Variants in TG observed in about 807,000 individuals in gnomAD.
TG encodes the protein thyroglobulin, also known as thyroid hormones.
Under a neutral mutation model 324.7 loss-of-function variants are expected in TG, and 270 were observed. That is an observed-to-expected ratio of 0.83 (90% CI 0.75 to 0.92). The LOEUF (loss-of-function observed/expected upper bound fraction) is 0.92. Ranked by LOEUF, TG falls within the 40% of genes least tolerant of loss-of-function variation. The probability of loss-of-function intolerance (pLI) is 0.00; values close to 1 mark genes in which losing one functional copy is unlikely to be tolerated. For missense variants in TG, 3,591 were observed against 3,456.4 expected, an observed-to-expected ratio of 1.04 and a Z score of -0.98; for synonymous variants, 1,401 against 1,327.0, an observed-to-expected ratio of 1.06 and a Z score of -1.21.
In TG at chr8:132,935,664, G is replaced by T; in HGVS notation, c.4933-92G>T. ...GCAACTAACTTACCTTTGTAGCCCT[G>T]GTGCCTAGCCATGGTTAGGGTTGGA... On this transcript the variant is annotated intron_variant, in intron 24 of 47. Coordinates refer to ENST00000220616, the MANE Select transcript of TG (RefSeq NM_003235.5). 9 of 1,148,078 alleles carry T rather than the reference G, an allele frequency of 7.8e-6. No homozygotes were observed. In the South Asian group the frequency reaches 9.1e-5, roughly 12 times the overall value. The allele number at this position is 1,148,078 out of a possible 1,614,324, so 71.1% of individuals were successfully genotyped here. A position where few individuals can be genotyped will look rare whatever the true frequency, so the allele number is the denominator to read the frequency against.
At chr8:133,062,482 G>A (rs1053534648) in intron 41 of TG, among the ~76,000 whole-genome samples, 16 of 152,258 alleles carry the variant, frequency 1.1e-4, no homozygotes, top group Non-Finnish European at 1.6e-4. Flanking sequence ...CCCCGGTGCC[G>A]GGCCCTGGGC....
rs573625506 is a variant in TG at position 132,936,191 on chromosome 8, A to G, written c.5041+327A>G. Among the ~76,000 whole-genome samples, 3 of 152,352 alleles carry G rather than the reference A, an allele frequency of 2.0e-5. No individual in the cohort carries two copies. The East Asian group carries it at 5.8e-4, about 29-fold the overall frequency. ...GTTGCAGAGTGGACACAAAGCTACG[A>G]AGTGAAGGATCTTGGCAGAACCCGC... is the stretch of plus-strand genomic sequence containing the variant. On this transcript the variant is annotated intron_variant, in intron 25 of 47. Coordinates refer to ENST00000220616, the MANE Select transcript of TG (RefSeq NM_003235.5).
At chr8:132,999,820 A>G (rs1419908307) in intron 35 of TG, among the ~76,000 whole-genome samples, 1 of 152,130 alleles carries the variant, frequency 6.6e-6, no homozygotes, top group Admixed American at 6.5e-5. Context: ...AAGGTCACTG[A>G]TCCTTGTCCT....
At chr8:133,052,815 T>C (rs555019614) in intron 41 of TG, among the ~76,000 whole-genome samples, 83 of 152,338 alleles carry the variant, frequency 5.4e-4, no homozygotes, top group Non-Finnish European at 1.0e-3. Context: ...TATGATTTGT[T>C]TGGCTTCCTG....
At chr8:132,932,151 C>G (rs1029063307) in intron 23 of TG, among the ~76,000 whole-genome samples, 3 of 151,990 alleles carry the variant, frequency 2.0e-5, no homozygotes, top group African/African-American at 7.3e-5. Flanking sequence ...ATAAGCCACA[C>G]AGTTTCTGGG....
intron 43 of TG, among the ~76,000 whole-genome samples, chr8:133,107,901 C>T (rs1849938778): frequency 6.6e-6 from 1 of 151,744 alleles, no homozygotes; most frequent in South Asian, 2.1e-4. Context: ...CCTAAAAGCT[C>T]ATCTTAGAAG....
At chr8:132,942,791 G>A (rs541125516) in intron 26 of TG, among the ~76,000 whole-genome samples, 1 of 152,296 alleles carries the variant, frequency 6.6e-6, no homozygotes, top group African/African-American at 2.4e-5. Flanking sequence ...ACAAGAGGAA[G>A]GTCAGGGAAG....
At chr8:132,937,329 C>A (rs1451640203) in intron 25 of TG, among the ~76,000 whole-genome samples, 1 of 152,220 alleles carries the variant, frequency 6.6e-6, no homozygotes, top group African/African-American at 2.4e-5. Flanking sequence ...AGGCCCAAAG[C>A]TGCCCTGACC....
intron 41 of TG, chr8:133,047,884 G>A: frequency 6.2e-7 from 1 of 1,613,106 alleles, no homozygotes; most frequent in Non-Finnish European, 8.5e-7. Context: ...GTGTCTGGCA[G>A]CTGCAGCAGC....
chr8:133,103,649 AG>A (rs1211142479), intron 43 of TG, among the ~76,000 whole-genome samples: 1 of 152,158 alleles, frequency 6.6e-6, no homozygotes, highest in African/African-American at 2.4e-5. Flanking sequence ...GACTTTTGTG[AG>A]TTCCTAAAAG....
intron 41 of TG, among the ~76,000 whole-genome samples, chr8:133,090,878 C>A (rs1031006466): frequency 1.3e-5 from 2 of 152,108 alleles, no homozygotes; most frequent in Non-Finnish European, 2.9e-5. Context: ...CCCCGCACCC[C>A]CCGGGAACAG....
chr8:132,971,114 A>G (rs937788787), intron 32 of TG, among the ~76,000 whole-genome samples: 2 of 151,970 alleles, frequency 1.3e-5, no homozygotes, highest in African/African-American at 4.8e-5. Context: ...CTTGGAATTG[A>G]CCCCAGAAAC....
chr8:133,086,096 G>GAC (rs1846513978), intron 41 of TG, among the ~76,000 whole-genome samples: 3 of 152,216 alleles, frequency 2.0e-5, no homozygotes, highest in African/African-American at 7.2e-5. Context: ...AAAGAAGCCA[G>GAC]ACACAGAAGG....
In TG at chr8:132,925,516, C is replaced by CGTGTGTGTGTGTGTGTGTGT. The variant is rs139966752; in HGVS notation, c.4699+2025_4699+2044dup. Among the ~76,000 whole-genome samples, 278 of 144,812 alleles carry CGTGTGTGTGTGTGTGTGTGT rather than the reference C, an allele frequency of 1.9e-3. 2 individuals are homozygous for CGTGTGTGTGTGTGTGTGTGT. Among genetic ancestry groups the CGTGTGTGTGTGTGTGTGTGT allele is most frequent in the African/African-American group, 5.3e-3 (207 of 39,076 alleles). Reference sequence around the variant, plus strand: ...AAGTGCTAACAAGTCCTAAGGAGTGCGTGTGTGTGTGTGTGTGTGTGTGTG... The same window carrying CGTGTGTGTGTGTGTGTGTGT: ...AAGTGCTAACAAGTCCTAAGGAGTGCGTGTGTGTGTGTGTGTGTGTGTGTGTGTGTGTGTGTGTGTGTGTG... On this transcript the variant is annotated intron_variant, in intron 22 of 47. Coordinates refer to ENST00000220616, the MANE Select transcript of TG (RefSeq NM_003235.5).
rs745569697 is a variant in TG, at chr8:133,029,851, T to C, written c.7067T>C (p.Leu2356Pro). 6.2e-7 allele frequency: 1 copy of C among 1,614,206 alleles called. No homozygotes were observed. Among genetic ancestry groups the C allele is most frequent in the South Asian group, 1.1e-5 (1 of 91,090 alleles). Reference sequence around the variant, plus strand: ...GGAGAGGTGAGTGGCAACTGGGGGCTGCTGGACCAGGTGGCGGCTCTGACC... The same window carrying C: ...GGAGAGGTGAGTGGCAACTGGGGGCCGCTGGACCAGGTGGCGGCTCTGACC... ...GSGEVSGNWGLLDQVAALTWV... is the reference protein window; with the variant it reads ...GSGEVSGNWGPLDQVAALTWV... The change falls in exon 41 of 48, where the codon CTG becomes CCG. Residue 2356 changes from leucine (L) to proline (P), a missense_variant. By Grantham distance (98) the Leu-to-Pro change is moderately conservative (BLOSUM62 -3). Transcript: ENST00000220616.
intron 18 of TG, among the ~76,000 whole-genome samples, chr8:132,909,021 A>G (rs1415263968): frequency 2.0e-5 from 3 of 152,182 alleles, no homozygotes; most frequent in Non-Finnish European, 4.4e-5. Context: ...GGGAACTGCA[A>G]ATTGGGGTGT....
chr8:132,929,255 T>C (rs758647088), intron 23 of TG, 63 bp downstream of exon 23: 2 of 1,283,116 alleles, frequency 1.6e-6, no homozygotes, highest in Admixed American at 1.7e-5. Context: ...TGCTGAGAGT[T>C]GTCGAGACAA....
chr8:133,111,812 A>G (rs1850267827), intron 43 of TG, among the ~76,000 whole-genome samples: 1 of 152,232 alleles, frequency 6.6e-6, no homozygotes, highest in African/African-American at 2.4e-5. Context: ...CCAATTTCAT[A>G]TTTGCTCCAG....
At chr8:132,896,221 A>G (rs1363946268) in intron 11 of TG, among the ~76,000 whole-genome samples, 2 of 152,172 alleles carry the variant, frequency 1.3e-5, no homozygotes, top group African/African-American at 4.8e-5. Context: ...AAGCTCAGAG[A>G]GGTTGGGCAA....
Sources: allele counts gnomAD v4.1 joint callset (sites outside exome capture counted in the v4.1 genomes callset), GRCh38; gene constraint gnomAD v4.1.1; transcripts MANE v1.5; gene names NCBI Gene and HGNC (gene_info 2026-07-23, HGNC 2026-07-21).